ESX1: variants seen among roughly 807,000 people sequenced by gnomAD.
ESX1 encodes the protein ESX homeobox 1.
In ESX1, 2 loss-of-function variants were observed where a neutral mutation model predicts 13.2. The observed-to-expected ratio is 0.15, with a 90% CI of 0.06 to 0.48. The LOEUF is 0.48. Ranked by LOEUF, ESX1 falls within the 20% of genes least tolerant of loss-of-function variation. The probability of loss-of-function intolerance (pLI) is 0.97; values close to 1 mark genes in which losing one functional copy is unlikely to be tolerated. For missense variants in ESX1, 307 were observed against 379.0 expected (o/e 0.81, Z 1.58); for synonymous variants, 157 against 163.1 (o/e 0.96, Z 0.29).
intron 1 of ESX1, 26 bp downstream of exon 1, chrX:104,254,742 G>C: frequency 8.4e-7 from 1 of 1,191,460 alleles, no homozygotes; most frequent in East Asian, 3.0e-5. Context: ...GTTCGCGAAA[G>C]CTCCCGTCCC....
Position 104,250,124 on chromosome X carries a change from C to G in ESX1, c.*104G>C, listed in dbSNP as rs929797032. On this transcript the variant is annotated 3_prime_UTR_variant, in exon 4 of 4. Coordinates refer to ENST00000372588, the MANE Select transcript of ESX1 (RefSeq NM_153448.4). ...GCATTCGTTAACTTTGTTCACCTACCCACTTCATTTAACAAGCATCTAACG... is the reference window on the plus strand; with the variant it reads ...GCATTCGTTAACTTTGTTCACCTACGCACTTCATTTAACAAGCATCTAACG... The G allele has an allele frequency of 4.4e-6, 4 of 918,888 alleles. No individual in the cohort carries two copies. The East Asian group carries it at 1.5e-4, about 34-fold the overall frequency. 75.7% of individuals were successfully genotyped at this position (918,888 alleles called of 1,213,427 possible).
Position 104,254,899 on chromosome X carries a change from G to A in ESX1, c.-50C>T, listed in dbSNP as rs781912648. Reference sequence around the variant, plus strand: ...GTGCACTTCTGCAGACTCTGTGCGTGGTTCCGCGGCGATCCCGGGGTTGGA... The same window carrying A: ...GTGCACTTCTGCAGACTCTGTGCGTAGTTCCGCGGCGATCCCGGGGTTGGA... On this transcript the variant is annotated 5_prime_UTR_variant, in exon 1 of 4. Transcript: ENST00000372588. 6 of 1,063,112 alleles carry A rather than the reference G, an allele frequency of 5.6e-6. No homozygotes were observed. In the Admixed American group the frequency reaches 1.3e-4, roughly 24 times the overall value. The allele number at this position is 1,063,112 out of a possible 1,213,427, so 87.6% of individuals were successfully genotyped here.
chrX:104,250,923 T>A, intron 3 of ESX1, 27 bp from the exon 4 acceptor site: 1 of 1,156,389 alleles, frequency 8.6e-7, no homozygotes. Context: ...TGAATTGGTT[T>A]AGTATTTTGA....
chrX:104,253,555 T>C (rs1364816561), intron 2 of ESX1, among the ~76,000 whole-genome samples: 1 of 111,938 alleles, frequency 8.9e-6, no homozygotes, highest in Non-Finnish European at 1.9e-5. Context: ...AATTCTTTTT[T>C]GCTCTTTGCC....
At chrX:104,253,837 G>A (rs1923248359) in intron 2 of ESX1, among the ~76,000 whole-genome samples, 1 of 112,700 alleles carries the variant, frequency 8.9e-6, no homozygotes, top group Non-Finnish European at 1.9e-5. Context: ...CGCCACGCGC[G>A]CACAATGTAA....
At chrX:104,251,556 C>A in intron 3 of ESX1, among the ~76,000 whole-genome samples, 1 of 112,026 alleles carries the variant, frequency 8.9e-6, no homozygotes, top group Non-Finnish European at 1.9e-5. Flanking sequence ...CACACACACA[C>A]CCTGAGGCAA....
Position 104,254,816 on chromosome X carries a change from T to C in ESX1, c.34A>G (p.Ile12Val). 5.8e-6 allele frequency: 7 copies of C among 1,210,849 alleles called. No individual in the cohort carries two copies. The highest frequency in any genetic ancestry group is 7.8e-6 in the Non-Finnish European group (7 of 894,565). Residue 12 changes from isoleucine (I) to valine (V), a missense_variant, in exon 1 of 4, where the codon ATT (isoleucine) becomes GTT (valine). Ile to Val is a conservative substitution (Grantham distance 29, BLOSUM62 3). This residue lies in a region of ESX1 where 152 missense variants were observed against 114.5 expected (regional missense o/e 1.33). Coordinates refer to ENST00000372588, the MANE Select transcript of ESX1 (RefSeq NM_153448.4). ...ESLRGYTHSDIGYRSLAVGED... is the reference protein window; with the variant it reads ...ESLRGYTHSDVGYRSLAVGED... ...CCGACTGCCAGGCTGCGGTAGCCAA[T>C]ATCACTGTGGGTGTACCCGCGAAGA...
rs782184806 is a variant in ESX1 at position 104,254,768 on chromosome X, C to T, written c.82G>A (p.Asp28Asn). ...CTCCCGTCCCTGTCCAAGCACTAACCATTCACTTCCTCGATGTCCTCGCCG... is the reference window on the plus strand; with the variant it reads ...CTCCCGTCCCTGTCCAAGCACTAACTATTCACTTCCTCGATGTCCTCGCCG... The part of the protein sequence containing the change: ...AVGEDIEEVN[D>N]EKLTVTSLMA... Residue 28 changes from aspartate (D) to asparagine (N), a missense_variant and splice_region_variant, in exon 1 of 4, where the codon GAT becomes AAT. Asp to Asn is a conservative substitution (Grantham distance 23, BLOSUM62 1). Transcript: ENST00000372588. The T allele has an allele frequency of 2.0e-5, 24 of 1,205,513 alleles. No homozygotes were observed. The East Asian group carries it at 7.1e-4, about 36-fold the overall frequency.
Position 104,254,238 on chromosome X carries a change from C to G in ESX1, c.422G>C (p.Arg141Pro), listed in dbSNP as rs1556395207. ...EGPQPPERKR[R>P]RRTAFTQFQL... Reference sequence around the variant, plus strand: ...AAACTGCGTGAACGCGGTGCGGCGGCGGCGTTTCCTCTCTGGGGGCTGTGG... The same window carrying G: ...AAACTGCGTGAACGCGGTGCGGCGGGGGCGTTTCCTCTCTGGGGGCTGTGG... Residue 141 changes from arginine (R) to proline (P), a missense_variant, in exon 2 of 4, where the codon CGC becomes CCC. This residue lies in a region of ESX1 where 108 missense variants were observed against 147.5 expected (regional missense o/e 0.73). Coordinates refer to ENST00000372588, the MANE Select transcript of ESX1 (RefSeq NM_153448.4). 2.5e-6 allele frequency: 3 copies of G among 1,212,064 alleles called. No homozygotes were observed. The highest frequency in any genetic ancestry group is 3.4e-6 in the Non-Finnish European group (3 of 895,466).
rs375606449 is a variant in ESX1, at chrX:104,254,269, C to T, written c.391G>A (p.Glu131Lys). Residue 131 changes from glutamate to lysine, a missense_variant, in exon 2 of 4, where the codon GAG (glutamate) becomes AAG (lysine). Physicochemically the swap from Glu to Lys is moderately conservative, Grantham distance 56. This residue lies in a region of ESX1 where 152 missense variants were observed against 114.5 expected (regional missense o/e 1.33). Coordinates refer to ENST00000372588, the MANE Select transcript of ESX1 (RefSeq NM_153448.4). Reference protein sequence around the residue: ...PQPAEGPQTAEGPQPPERKRR... With the variant: ...PQPAEGPQTAKGPQPPERKRR... ...TTCCTCTCTGGGGGCTGTGGTCCCTCAGCGGTTTGTGGCCCCTCCGCCGGC... is the reference window on the plus strand; with the variant it reads ...TTCCTCTCTGGGGGCTGTGGTCCCTTAGCGGTTTGTGGCCCCTCCGCCGGC... 4 of 1,210,925 alleles carry T rather than the reference C, an allele frequency of 3.3e-6. No homozygotes were observed. Among genetic ancestry groups the T allele is most frequent in the East Asian group, 3.0e-5 (1 of 33,761 alleles).
At chrX:104,251,831 G>A (rs1232771496) in intron 3 of ESX1, among the ~76,000 whole-genome samples, 1 of 111,302 alleles carries the variant, frequency 9.0e-6, no homozygotes, top group East Asian at 2.8e-4. Context: ...AAACATCTAA[G>A]ATGTTTTTTC....
chrX:104,253,703 G>A (rs1200467843), intron 2 of ESX1, among the ~76,000 whole-genome samples: 2 of 110,680 alleles, frequency 1.8e-5, no homozygotes, highest in Non-Finnish European at 3.8e-5. Context: ...TATGAGGAGG[G>A]CTCCGATGAG....
At chrX:104,253,701 G>A (rs1285223046) in intron 2 of ESX1, among the ~76,000 whole-genome samples, 2 of 110,666 alleles carry the variant, frequency 1.8e-5, no homozygotes, top group African/African-American at 6.6e-5. Flanking sequence ...GGTATGAGGA[G>A]GGCTCCGATG....
At position 104,250,848 on chromosome X, in the gene ESX1, G is replaced by A. The variant is rs782559787; in HGVS notation, c.601C>T (p.Leu201=). The A allele has an allele frequency of 2.5e-6, 3 of 1,210,115 alleles. No homozygotes were observed. The highest frequency in any genetic ancestry group is 3.4e-6 in the Non-Finnish European group (3 of 894,425). Residue 201 remains leucine (L), a synonymous_variant, in exon 4 of 4, where the codon CTA becomes TTA. Transcript: ENST00000372588. ...RAKWKRNQRV[L]MLRNTATADL... is the part of the protein sequence containing the mutation. ...GCAGTAGCAGTGTTTCTCAACATTA[G>A]CACCCTCTGATTTCGTTTCCACTTG...
In ESX1 at chrX:104,250,215, T is replaced by C; in HGVS notation, c.*13A>G. On this transcript the variant is annotated 3_prime_UTR_variant, in exon 4 of 4. Transcript: ENST00000372588. Reference sequence around the variant, plus strand: ...GGAAAGAACTTTGGAAAAACTGTTATGAATACCTTACTTTAGAAAAAGGGA... The same window carrying C: ...GGAAAGAACTTTGGAAAAACTGTTACGAATACCTTACTTTAGAAAAAGGGA... The C allele has an allele frequency of 8.3e-7, 1 of 1,205,254 alleles. No homozygotes were observed. Among genetic ancestry groups the C allele is most frequent in the Non-Finnish European group, 1.1e-6 (1 of 891,781 alleles).
chrX:104,254,191 A>C lies in ESX1; in HGVS notation c.469T>G (p.Phe157Val). The change falls in exon 2 of 4, where the codon TTT becomes GTT. Residue 157 changes from phenylalanine (F) to valine (V), a missense_variant. Around this residue, in one of 3 missense-constraint regions of ESX1, gnomAD observed 108 missense variants for 147.5 expected, o/e 0.73. Transcript: ENST00000372588. ...TQFQLQELEN[F>V]FDESQYPDVV... The stretch of plus-strand genomic sequence containing the variant: ...TCGGGATATTGAGATTCATCGAAAA[A>C]GTTCTCTAGCTCCTGCAGCTGAAAC... The C allele has an allele frequency of 8.3e-7, 1 of 1,208,615 alleles. No homozygotes were observed. The highest frequency in any genetic ancestry group is 1.1e-6 in the Non-Finnish European group (1 of 893,639).
chrX:104,252,392 AC>A (rs1351401731), intron 3 of ESX1, among the ~76,000 whole-genome samples: 1 of 112,261 alleles, frequency 8.9e-6, no homozygotes, highest in Non-Finnish European at 1.9e-5. Context: ...CCTAGAGGAT[AC>A]CAGTGTTAGA....
chrX:104,251,304 T>G (rs1923179640), intron 3 of ESX1, among the ~76,000 whole-genome samples: 1 of 112,382 alleles, frequency 8.9e-6, no homozygotes, highest in African/African-American at 3.2e-5. Flanking sequence ...TCTTTCTTCC[T>G]TCCTTCATAA....
At chrX:104,252,678 T>A in intron 3 of ESX1, 105 bp downstream of exon 3, 1 of 810,300 alleles carries the variant, frequency 1.2e-6, no homozygotes. Flanking sequence ...TTGTCAACCA[T>A]GGAAAAGACA....
Sources: allele counts gnomAD v4.1 joint callset (sites outside exome capture counted in the v4.1 genomes callset), GRCh38; gene constraint gnomAD v4.1.1; regional missense constraint gnomAD v4.1.1; transcripts MANE v1.5; gene names NCBI Gene and HGNC (gene_info 2026-07-23, HGNC 2026-07-21).